The following COMMD1 variants were observed in gnomAD, a reference collection of about 807,000 sequenced individuals.
The protein encoded by COMMD1 is COMM domain-containing protein 1.
COMMD1 carries 10 observed loss-of-function variants against 17.2 expected under a neutral mutation model. The observed-to-expected ratio is 0.58, with a 90% CI of 0.36 to 0.99. The LOEUF (loss-of-function observed/expected upper bound fraction) is 0.99. Among genes scored for constraint, COMMD1 ranks in the 50% least tolerant of loss-of-function variants. The pLI, the probability that COMMD1 is intolerant of heterozygous loss-of-function variation, is 0.01. For synonymous variants in COMMD1, 97 were observed against 91.6 expected, an observed-to-expected ratio of 1.06 and a Z score of -0.34; for missense variants, 270 against 231.8, an observed-to-expected ratio of 1.17 and a Z score of -1.07.
At chr2:62,114,989 C>A (rs544173875) in intron 2 of COMMD1, among the ~76,000 whole-genome samples, 1 of 152,128 alleles carries the variant, frequency 6.6e-6, no homozygotes, top group East Asian at 1.9e-4. Flanking sequence ...AGAGATAGTG[C>A]TTAACTGGCC....
At chr2:62,036,816 GCC>G (rs1002825235) in intron 2 of COMMD1, among the ~76,000 whole-genome samples, 2 of 151,936 alleles carry the variant, frequency 1.3e-5, no homozygotes, top group Non-Finnish European at 2.9e-5. Flanking sequence ...TTTCTGTTTG[GCC>G]CCTAGGATTA....
At chr2:62,071,700 C>G (rs374801530) in intron 2 of COMMD1, among the ~76,000 whole-genome samples, 4 of 152,174 alleles carry the variant, frequency 2.6e-5, no homozygotes, top group African/African-American at 7.2e-5. Context: ...AATCCTAAGC[C>G]TCCCTCACCC....
At chr2:61,973,744 A>AT (rs1302581672) in intron 1 of COMMD1, among the ~76,000 whole-genome samples, 2 of 152,174 alleles carry the variant, frequency 1.3e-5, no homozygotes, top group African/African-American at 4.8e-5. Context: ...AAAGAATAGT[A>AT]TTTTTTTGTG....
At chr2:62,027,034 G>C (rs956342549) in intron 2 of COMMD1, among the ~76,000 whole-genome samples, 3 of 151,674 alleles carry the variant, frequency 2.0e-5, no homozygotes, top group African/African-American at 7.3e-5. Context: ...AATCCTTTTT[G>C]TATTTATTTA....
At chr2:61,978,900 A>G (rs2103746225) in intron 1 of COMMD1, among the ~76,000 whole-genome samples, 1 of 152,330 alleles carries the variant, frequency 6.6e-6, no homozygotes, top group East Asian at 1.9e-4. Flanking sequence ...TTCAATGTCT[A>G]ATAATCATAT....
chr2:61,969,004 A>G (rs528859104), intron 1 of COMMD1: 71 of 439,694 alleles, frequency 1.6e-4, no homozygotes, highest in African/African-American at 7.6e-4. Context: ...ATAGAGTGCA[A>G]TGGGTATTCA....
intron 2 of COMMD1, among the ~76,000 whole-genome samples, chr2:62,133,858 A>C (rs543036628): frequency 6.6e-6 from 1 of 152,134 alleles, no homozygotes; most frequent in East Asian, 1.9e-4. Flanking sequence ...AGGTCTCACC[A>C]AGGTTGCTAG....
intron 2 of COMMD1, among the ~76,000 whole-genome samples, chr2:62,048,604 T>C (rs1313852647): frequency 1.3e-5 from 2 of 151,972 alleles, no homozygotes; most frequent in East Asian, 3.8e-4. Context: ...TTTTAGGGGG[T>C]TTACAAACTC....
chr2:61,929,999 C>T (rs1318632957), intron 1 of COMMD1, among the ~76,000 whole-genome samples: 6 of 151,960 alleles, frequency 3.9e-5, no homozygotes, highest in Non-Finnish European at 8.8e-5. Context: ...AGCCATAAAC[C>T]TAAGATGGGG....
At chr2:61,889,022 C>G (rs1166148945) in intron 1 of COMMD1, among the ~76,000 whole-genome samples, 1 of 150,698 alleles carries the variant, frequency 6.6e-6, no homozygotes, top group Non-Finnish European at 1.5e-5. Context: ...TCCTCCTCAG[C>G]CTCCCGAGTA....
At chr2:61,898,332 T>C (rs1669592945) in intron 1 of COMMD1, among the ~76,000 whole-genome samples, 1 of 152,098 alleles carries the variant, frequency 6.6e-6, no homozygotes, top group Non-Finnish European at 1.5e-5. Flanking sequence ...AAAAATCAGC[T>C]AGACGGGCTG....
chr2:62,049,331 T>C (rs918950647), intron 2 of COMMD1, among the ~76,000 whole-genome samples: 5 of 152,198 alleles, frequency 3.3e-5, no homozygotes, highest in Non-Finnish European at 7.3e-5. Context: ...CAAATAAGAT[T>C]ATTGACATAT....
chr2:62,104,652 A>C (rs1419709855), intron 2 of COMMD1, among the ~76,000 whole-genome samples: 1 of 151,428 alleles, frequency 6.6e-6, no homozygotes, highest in African/African-American at 2.4e-5. Flanking sequence ...AAAAAAAAAA[A>C]AACAATAACA....
chr2:61,906,519 T>A (rs1669775404), intron 1 of COMMD1, among the ~76,000 whole-genome samples: 1 of 152,224 alleles, frequency 6.6e-6, no homozygotes, highest in Non-Finnish European at 1.5e-5. Flanking sequence ...ATCCAGTATT[T>A]TACACTTAAA....
intron 1 of COMMD1, among the ~76,000 whole-genome samples, chr2:61,991,222 CA>C (rs1445953706): frequency 6.6e-6 from 1 of 152,058 alleles, no homozygotes; most frequent in Non-Finnish European, 1.5e-5. Context: ...CTAGATTAGG[CA>C]AACAGAAATC....
chr2:61,933,235 A>G (rs905257608), intron 1 of COMMD1, among the ~76,000 whole-genome samples: 8 of 151,072 alleles, frequency 5.3e-5, no homozygotes, highest in Admixed American at 2.6e-4. Flanking sequence ...TGTATCCACA[A>G]TGCTCAGCCG....
At chr2:61,901,473 A>C (rs1669655115), upstream of COMMD1, among the ~76,000 whole-genome samples, 1 of 151,810 alleles carries the variant, frequency 6.6e-6, no homozygotes, top group Non-Finnish European at 1.5e-5. Flanking sequence ...AAATACAAAA[A>C]TTAGGTCAGC....
intron 1 of COMMD1, among the ~76,000 whole-genome samples, chr2:61,958,526 C>T (rs1558536935): frequency 6.6e-6 from 1 of 152,114 alleles, no homozygotes; most frequent in Non-Finnish European, 1.5e-5. Flanking sequence ...CTTGGCCTCC[C>T]AAAGTGCTGG....
At position 62,011,382 on chromosome 2, in the gene COMMD1, ACTG is replaced by A. The variant is rs1181873694; in HGVS notation, c.462+10404_462+10406del. ...TACAGTCATCCACAATTTGTGGACA[ACTG>A]CTGGTCTGCCTTTTGTTACTTTAGT... On this transcript the variant is annotated intron_variant, in intron 2 of 2. Transcript: ENST00000311832. Among the ~76,000 whole-genome samples the A allele has an allele frequency of 2.0e-5, 3 of 152,202 alleles. No homozygotes were observed. In the East Asian group the frequency reaches 5.8e-4, roughly 29 times the overall value.
Sources: allele counts gnomAD v4.1 joint callset (sites outside exome capture counted in the v4.1 genomes callset), GRCh38; gene constraint gnomAD v4.1.1; transcripts MANE v1.5; gene names NCBI Gene and HGNC (gene_info 2026-07-23, HGNC 2026-07-21).